The following SLC24A5 variants were observed in gnomAD, a reference collection of about 807,000 sequenced individuals.
The protein encoded by SLC24A5 is sodium/potassium/calcium exchanger 5.
A neutral mutation model predicts 51.6 loss-of-function variants in SLC24A5; 46 were observed. The observed-to-expected ratio is 0.89, with a 90% CI of 0.70 to 1.14. SLC24A5 has a LOEUF of 1.14. Among genes scored for constraint, SLC24A5 ranks in the 50% most tolerant of loss-of-function variants. SLC24A5 has a pLI of 0.00. For synonymous variants in SLC24A5, 230 were observed against 214.9 expected (o/e 1.07, Z -0.62); for missense variants, 581 against 604.1 (o/e 0.96, Z 0.40).
At chr15:48,129,191 C>T (rs1273359950) in intron 2 of SLC24A5, among the ~76,000 whole-genome samples, 1 of 151,930 alleles carries the variant, frequency 6.6e-6, no homozygotes, top group Non-Finnish European at 1.5e-5. Context: ...ATTGCTCAGA[C>T]AAAATATGAG....
chr15:48,128,718 T>C (rs923939658), intron 2 of SLC24A5, among the ~76,000 whole-genome samples: 1 of 152,168 alleles, frequency 6.6e-6, no homozygotes, highest in African/African-American at 2.4e-5. Flanking sequence ...GAGTATTTCA[T>C]CCTCTTTGTT....
At chr15:48,125,575 C>T (rs759232510) in intron 2 of SLC24A5, among the ~76,000 whole-genome samples, 8 of 152,054 alleles carry the variant, frequency 5.3e-5, no homozygotes, top group East Asian at 1.9e-4. Context: ...ATTTTCCTCT[C>T]GAGAGCACTG....
chr15:48,141,832 TTAAA>T (rs1322894908), intron 8 of SLC24A5, 193 bp from the exon 9 acceptor site: 3 of 371,190 alleles, frequency 8.1e-6, no homozygotes, highest in Non-Finnish European at 1.4e-5. Flanking sequence ...AATATAATTA[TTAAA>T]TAAATGTTAA....
Position 48,121,029 on chromosome 15 carries a change from T to C in SLC24A5, c.-16T>C. ...CCCTTCCTGAAGCTGCACGCTGCAGTAAGAGCACAGCAGAAATGCAGACAA... is the reference window on the plus strand; with the variant it reads ...CCCTTCCTGAAGCTGCACGCTGCAGCAAGAGCACAGCAGAAATGCAGACAA... On this transcript the variant is annotated 5_prime_UTR_variant, in exon 1 of 9. Transcript: ENST00000341459. 1 of 1,611,940 alleles carries C rather than the reference T, an allele frequency of 6.2e-7. No homozygotes were observed. Among genetic ancestry groups the C allele is most frequent in the Non-Finnish European group, 8.5e-7 (1 of 1,179,036 alleles).
intron 2 of SLC24A5, chr15:48,122,317 G>C: frequency 1.8e-6 from 1 of 567,594 alleles, no homozygotes; most frequent in Non-Finnish European, 3.1e-6. Context: ...TTTGTTATAA[G>C]AACTGTTCCA....
rs539688524 is a variant in SLC24A5 at position 48,121,891 on chromosome 15, G to A, written c.156G>A (p.Ser52=). 6 of 1,614,074 alleles carry A rather than the reference G, an allele frequency of 3.7e-6. No homozygotes were observed. The African/African-American group carries it at 5.3e-5, about 14-fold the overall frequency. The change falls in exon 2 of 9, where the codon TCG becomes TCA. Residue 52 remains serine (S), a synonymous_variant. Transcript: ENST00000341459. ...NSTQCVISPS[S]EFPEGFFTRQ... The stretch of plus-strand genomic sequence containing the variant: ...CCCAATGTGTTATTTCTCCATCATC[G>A]GAGTTTCCCGAAGGGTTTTTCACGA...
chr15:48,136,390 T>A, intron 5 of SLC24A5: 1 of 258,232 alleles, frequency 3.9e-6, no homozygotes, highest in Non-Finnish European at 7.2e-6. Context: ...CAATTATCAT[T>A]TTCCTTGCAT....
intron 2 of SLC24A5, among the ~76,000 whole-genome samples, chr15:48,127,786 G>A (rs2038747207): frequency 6.6e-6 from 1 of 152,052 alleles, no homozygotes; most frequent in Admixed American, 6.6e-5. Context: ...TCATGCCACT[G>A]CCCTCCAGCC....
At chr15:48,134,209 C>T (rs547572795) in intron 2 of SLC24A5, 49 bp from the exon 3 acceptor site, 2 of 1,476,462 alleles carry the variant, frequency 1.4e-6, no homozygotes, top group African/African-American at 2.9e-5. Flanking sequence ...GTTGTAAAGA[C>T]ATACTCTTTC....
At chr15:48,136,642 C>A in intron 5 of SLC24A5, 41 bp from the exon 6 acceptor site, 1 of 1,541,234 alleles carries the variant, frequency 6.5e-7, no homozygotes. Context: ...TCTAAAATGA[C>A]TTTCACTTTT....
At chr15:48,137,477 C>T (rs2038930474) in intron 6 of SLC24A5, 1 of 152,126 alleles carries the variant, frequency 6.6e-6, no homozygotes, top group African/African-American at 2.4e-5. Flanking sequence ...TGGAAGGTTT[C>T]TGAGGAGAGA....
rs2039130810 is a variant in SLC24A5, at chr15:48,142,642, AAAC to A, written c.*297_*299del. 4 of 447,926 alleles carry A rather than the reference AAAC, an allele frequency of 8.9e-6. No individual in the cohort carries two copies. The highest frequency in any genetic ancestry group is 4.6e-5 in the South Asian group (1 of 21,618). 27.7% of individuals were successfully genotyped at this position (447,926 alleles called of 1,614,324 possible). On this transcript the variant is annotated 3_prime_UTR_variant, in exon 9 of 9. Transcript: ENST00000341459. ...AACAAATCCAACTATGTAGTACTGA[AAAC>A]AACAAGAAAATGGCTTATTTCATTA...
chr15:48,142,259 T>G lies in SLC24A5; in HGVS notation c.1411T>G (p.Cys471Gly), dbSNP rs200461129. The change falls in exon 9 of 9, where the codon TGC (cysteine) becomes GGC (glycine). Residue 471 changes from cysteine to glycine, a missense_variant. Transcript: ENST00000341459. ...WKLDRKLGIVCLLSYLGLATL... is the reference protein window; with the variant it reads ...WKLDRKLGIVGLLSYLGLATL... ...ACTAGACAGAAAGTTGGGAATAGTC[T>G]GCCTATTATCATACTTGGGGCTTGC... 2.4e-5 allele frequency: 39 copies of G among 1,613,690 alleles called. No individual in the cohort carries two copies. In the East Asian group the frequency reaches 8.3e-4, roughly 34 times the overall value.
intron 2 of SLC24A5, among the ~76,000 whole-genome samples, chr15:48,129,923 A>C (rs906209440): frequency 3.3e-5 from 5 of 152,106 alleles, no homozygotes; most frequent in African/African-American, 1.2e-4. Context: ...AGTTACTGGC[A>C]GGGCTGAATC....
Position 48,134,294 on chromosome 15 carries a change from T to G in SLC24A5, c.338T>G (p.Phe113Cys). ...TCTCAGGATGTTGCAGGCACAACTT[T>G]CATGGCAGCGGGCAGTTCAGCTCCT... Reference protein sequence around the residue: ...GLSQDVAGTTFMAAGSSAPEL... With the variant: ...GLSQDVAGTTCMAAGSSAPEL... Residue 113 changes from phenylalanine (F) to cysteine (C), a missense_variant, in exon 3 of 9, where the codon TTC becomes TGC. Transcript: ENST00000341459. The G allele has an allele frequency of 6.2e-7, 1 of 1,613,702 alleles. No individual in the cohort carries two copies. The highest frequency in any genetic ancestry group is 8.5e-7 in the Non-Finnish European group (1 of 1,179,678).
chr15:48,126,913 A>C (rs184043931), intron 2 of SLC24A5, among the ~76,000 whole-genome samples: 48 of 152,098 alleles, frequency 3.2e-4, no homozygotes, highest in East Asian at 2.5e-3. Flanking sequence ...TTTTCTCTCT[A>C]TATATTGATA....
chr15:48,139,262 C>G, intron 7 of SLC24A5, 87 bp downstream of exon 7: 2 of 1,099,634 alleles, frequency 1.8e-6, no homozygotes, highest in Non-Finnish European at 2.7e-6. Flanking sequence ...TCTAGCTACA[C>G]AGCAAATTTC....
In SLC24A5 at chr15:48,121,073, C is replaced by G; in HGVS notation, c.29C>G (p.Ala10Gly). 6.2e-7 allele frequency: 1 copy of G among 1,613,856 alleles called. No individual in the cohort carries two copies. The highest frequency in any genetic ancestry group is 8.5e-7 in the Non-Finnish European group (1 of 1,179,882). ...CAGACAAAAGGGGGCCAAACATGGG[C>G]GAGAAGGGCTCTGTTGCTCGGCATC... MQTKGGQTW[A>G]RRALLLGILW... Residue 10 changes from alanine (A) to glycine (G), a missense_variant, in exon 1 of 9, where the codon GCG becomes GGG. Transcript: ENST00000341459.
At chr15:48,133,114 A>C (rs560500547) in intron 2 of SLC24A5, among the ~76,000 whole-genome samples, 1 of 152,130 alleles carries the variant, frequency 6.6e-6, no homozygotes, top group African/African-American at 2.4e-5. Flanking sequence ...ACAGGGAGTC[A>C]ACCAAGCACA....
Sources: allele counts gnomAD v4.1 joint callset (sites outside exome capture counted in the v4.1 genomes callset), GRCh38; gene constraint gnomAD v4.1.1; transcripts MANE v1.5; gene names NCBI Gene and HGNC (gene_info 2026-07-23, HGNC 2026-07-21).